The following POFUT3 variants were observed in gnomAD, a reference collection of about 807,000 sequenced individuals.
POFUT3 encodes GDP-fucose protein O-fucosyltransferase 3.
chr8:33,455,043 T>C, the POFUT3 span, among the ~76,000 whole-genome samples: 1 of 152,108 alleles, frequency 6.6e-6, no homozygotes, highest in East Asian at 1.9e-4. Flanking sequence ...GGAAAATGAG[T>C]TATAAATTAT....
At chr8:33,397,352 G>A in the POFUT3 span, among the ~76,000 whole-genome samples, 1 of 152,286 alleles carries the variant, frequency 6.6e-6, no homozygotes, top group African/African-American at 2.4e-5. Context: ...GTGGGTCTCT[G>A]AGGCTCCGCT....
chr8:33,362,478 T>C, the POFUT3 span, among the ~76,000 whole-genome samples: 7 of 152,042 alleles, frequency 4.6e-5, no homozygotes, highest in African/African-American at 1.5e-4. Flanking sequence ...GACTGGCAAA[T>C]TGGATAGAGT....
the POFUT3 span, among the ~76,000 whole-genome samples, chr8:33,375,637 A>T: frequency 1.3e-5 from 2 of 152,242 alleles, no homozygotes; most frequent in African/African-American, 4.8e-5. Context: ...AGTGTACTAC[A>T]TGGTTTATTT....
the POFUT3 span, among the ~76,000 whole-genome samples, chr8:33,356,368 C>T: frequency 1.3e-5 from 2 of 152,216 alleles, no homozygotes; most frequent in African/African-American, 2.4e-5. Flanking sequence ...GCCATTCTAA[C>T]TGGTGTGAGA....
chr8:33,368,663 C>A, the POFUT3 span, among the ~76,000 whole-genome samples: 1 of 152,068 alleles, frequency 6.6e-6, no homozygotes, highest in African/African-American at 2.4e-5. Flanking sequence ...TAGACTAGTC[C>A]CAAGATTCAG....
At chr8:33,387,602 G>A in the POFUT3 span, among the ~76,000 whole-genome samples, 3 of 152,106 alleles carry the variant, frequency 2.0e-5, no homozygotes, top group Admixed American at 6.6e-5. Flanking sequence ...TCAGGAGTTC[G>A]AGACCAGCCT....
chr8:33,320,636 A>G, the POFUT3 span, among the ~76,000 whole-genome samples: 2 of 152,104 alleles, frequency 1.3e-5, no homozygotes, highest in Non-Finnish European at 2.9e-5. Context: ...TGACTATCTG[A>G]AGCTTAACTG....
chr8:33,434,133 T>C, the POFUT3 span, among the ~76,000 whole-genome samples: 1 of 151,566 alleles, frequency 6.6e-6, no homozygotes, highest in South Asian at 2.1e-4. Context: ...TGGTGGCGCA[T>C]GCCTGTAATC....
the POFUT3 span, chr8:33,455,705 G>T: frequency 1.2e-5 from 5 of 420,908 alleles, no homozygotes; most frequent in Non-Finnish European, 2.4e-5. Context: ...TGCTCCACCA[G>T]TCGGCCATGG....
chr8:33,318,393 G>T, the POFUT3 span, among the ~76,000 whole-genome samples: 16 of 147,656 alleles, frequency 1.1e-4, no homozygotes, highest in African/African-American at 4.0e-4. Context: ...AAAAGAGTGA[G>T]GGGAAGGCAA....
the POFUT3 span, among the ~76,000 whole-genome samples, chr8:33,316,839 C>A: frequency 6.6e-6 from 1 of 152,158 alleles, no homozygotes; most frequent in African/African-American, 2.4e-5. Context: ...ACTTCCTGTT[C>A]TCTTCCCATA....
At chr8:33,324,714 AC>A in the POFUT3 span, among the ~76,000 whole-genome samples, 56 of 148,694 alleles carry the variant, frequency 3.8e-4, no homozygotes, top group African/African-American at 1.3e-3. Context: ...TATTATTTGC[AC>A]CCCCCCAACC....
chr8:33,320,953 T>C, the POFUT3 span, among the ~76,000 whole-genome samples: 4 of 152,068 alleles, frequency 2.6e-5, no homozygotes, highest in Non-Finnish European at 2.9e-5. Flanking sequence ...GCAGGAATAC[T>C]GGGAGGCCTG....
At chr8:33,393,854 GAA>G in the POFUT3 span, among the ~76,000 whole-genome samples, 25 of 152,286 alleles carry the variant, frequency 1.6e-4, no homozygotes, top group African/African-American at 6.0e-4. Context: ...CCTTAATTTG[GAA>G]AAGAGAAGTG....
chr8:33,365,927 A>T, the POFUT3 span, among the ~76,000 whole-genome samples: 8 of 152,208 alleles, frequency 5.3e-5, no homozygotes, highest in Non-Finnish European at 1.0e-4. Flanking sequence ...AAGGATTATA[A>T]ATCATGCTGC....
the POFUT3 span, among the ~76,000 whole-genome samples, chr8:33,347,975 C>T: frequency 1.3e-4 from 20 of 151,960 alleles, no homozygotes; most frequent in Non-Finnish European, 2.4e-4. Flanking sequence ...GTCAGGAGTT[C>T]GAGACTAGCC....
At chr8:33,457,073 CT>C in the POFUT3 span, among the ~76,000 whole-genome samples, 7,635 of 152,094 alleles carry the variant, frequency 0.05, 325 homozygotes, top group African/African-American at 0.11. Context: ...CCGGCCAAAC[CT>C]TTTAAGAGTG....
chr8:33,380,564 C>T, the POFUT3 span, among the ~76,000 whole-genome samples: 1 of 151,944 alleles, frequency 6.6e-6, no homozygotes. Context: ...TGACCAGGTA[C>T]AGTGGCTCAT....
At chr8:33,347,536 A>G in the POFUT3 span, among the ~76,000 whole-genome samples, 1 of 152,236 alleles carries the variant, frequency 6.6e-6, no homozygotes, top group African/African-American at 2.4e-5. Flanking sequence ...ATTCAAGTAC[A>G]CTTTATTTAC....
Sources: gnomAD v4.1 joint callset for allele counts (sites outside exome capture counted in the v4.1 genomes callset) on GRCh38, gnomAD v4.1.1 for gene constraint, MANE v1.5 for transcripts, NCBI Gene and HGNC (gene_info 2026-07-23, HGNC 2026-07-21) for gene names.